STOX2: variants seen among roughly 807,000 people sequenced by gnomAD.
STOX2 encodes storkhead box 2.
A neutral mutation model predicts 60.9 loss-of-function variants in STOX2; 28 were observed. The ratio of observed to expected loss-of-function variants is 0.46; its 90% CI spans 0.34 to 0.63. The LOEUF (loss-of-function observed/expected upper bound fraction) is 0.63. Among genes scored for constraint, STOX2 ranks in the 30% least tolerant of loss-of-function variants. The pLI, the probability that STOX2 is intolerant of heterozygous loss-of-function variation, is 0.01. For synonymous variants in STOX2, 472 were observed against 463.9 expected, an observed-to-expected ratio of 1.02 and a Z score of -0.22; for missense variants, 1,024 against 1,187.7, an observed-to-expected ratio of 0.86 and a Z score of 2.03.
chr4:184,000,775 T>G (rs1484534146), intron 1 of STOX2, among the ~76,000 whole-genome samples: 3 of 152,238 alleles, frequency 2.0e-5, no homozygotes, highest in Non-Finnish European at 1.5e-5. Context: ...TGTTCTGTTC[T>G]CTTGTGTGCC....
intron 1 of STOX2, among the ~76,000 whole-genome samples, chr4:183,829,729 G>A (rs1449263811): frequency 1.3e-5 from 2 of 152,148 alleles, no homozygotes; most frequent in Admixed American, 1.3e-4. Context: ...AAGCCAGCTC[G>A]ACTTGCGGTT....
At chr4:183,831,777 A>G (rs377465460) in intron 1 of STOX2, among the ~76,000 whole-genome samples, 1 of 152,128 alleles carries the variant, frequency 6.6e-6, no homozygotes, top group African/African-American at 2.4e-5. Flanking sequence ...ATACATAGAT[A>G]AATAAATTTT....
At chr4:183,837,918 G>A (rs542119886) in intron 1 of STOX2, among the ~76,000 whole-genome samples, 1 of 152,184 alleles carries the variant, frequency 6.6e-6, no homozygotes, top group African/African-American at 2.4e-5. Context: ...TGTGGACGTG[G>A]GTGTGCAGAT....
intron 1 of STOX2, among the ~76,000 whole-genome samples, chr4:183,924,286 A>G (rs571022344): frequency 7.9e-5 from 12 of 152,262 alleles, no homozygotes; most frequent in Non-Finnish European, 1.6e-4. Flanking sequence ...GGCTGGAGAT[A>G]TACAGGAAAC....
intron 1 of STOX2, among the ~76,000 whole-genome samples, chr4:183,874,630 CTA>C (rs33916544): frequency 6.7e-6 from 1 of 150,208 alleles, no homozygotes. Flanking sequence ...TATGCAGAGA[CTA>C]TATATATATA....
At chr4:183,858,912 G>A (rs1740365263) in intron 1 of STOX2, among the ~76,000 whole-genome samples, 3 of 152,036 alleles carry the variant, frequency 2.0e-5, no homozygotes, top group African/African-American at 7.3e-5. Context: ...CGTCATTTCA[G>A]TGTACTGTAC....
intron 1 of STOX2, among the ~76,000 whole-genome samples, chr4:183,810,438 A>G (rs1007386549): frequency 2.6e-5 from 4 of 152,230 alleles, no homozygotes; most frequent in Admixed American, 2.6e-4. Context: ...AATTAGGCTC[A>G]ACTCCAAACA....
Position 183,852,671 on chromosome 4 carries a change from C to G in STOX2, c.364+54616C>G, listed in dbSNP as rs565615007. ...CCTCGGAAGCAGCATTCCCTTCAGCCATGGGAGGTTCTTTTTTTCTGCATT... is the reference window on the plus strand; with the variant it reads ...CCTCGGAAGCAGCATTCCCTTCAGCGATGGGAGGTTCTTTTTTTCTGCATT... On this transcript the variant is annotated intron_variant, in intron 1 of 2. Coordinates refer to the STOX2 transcript ENST00000513034. Among the ~76,000 whole-genome samples, 7 of 152,270 alleles carry G rather than the reference C, an allele frequency of 4.6e-5. No individual in the cohort carries two copies. The East Asian group carries it at 1.3e-3, about 29-fold the overall frequency.
Position 184,010,683 on chromosome 4 carries a change from A to G in STOX2, c.1845A>G (p.Ser615=), listed in dbSNP as rs775780920. The part of the protein sequence containing the change: ...TSSETVLTAP[S]PLGKNKEDHD... Reference sequence around the variant, plus strand: ...GTGAGACGGTGCTCACGGCACCATCACCTCTGGGAAAGAATAAGGAGGACC... The same window carrying G: ...GTGAGACGGTGCTCACGGCACCATCGCCTCTGGGAAAGAATAAGGAGGACC... The change falls in exon 3 of 4, where the codon TCA becomes TCG. Residue 615 remains serine (S), a synonymous_variant. Coordinates refer to ENST00000308497, the MANE Select transcript of STOX2 (RefSeq NM_020225.3). The surrounding 1 kb of genome is among the most constrained non-coding windows in gnomAD (Gnocchi z 4.5). The G allele has an allele frequency of 1.9e-6, 3 of 1,613,050 alleles. No homozygotes were observed. In the South Asian group the frequency reaches 3.3e-5, roughly 18 times the overall value.
intron 1 of STOX2, among the ~76,000 whole-genome samples, chr4:183,810,117 A>G (rs997453897): frequency 6.6e-6 from 1 of 152,196 alleles, no homozygotes; most frequent in Non-Finnish European, 1.5e-5. Context: ...ACTGCTCTGC[A>G]TGGATAAATA....
chr4:183,937,507 G>T (rs61681189), intron 1 of STOX2, among the ~76,000 whole-genome samples: 2,844 of 152,310 alleles, frequency 0.019, 109 homozygotes, highest in African/African-American at 0.065. Context: ...GAGCTGCTCA[G>T]AGTGGGGTCG....
At chr4:183,849,793 C>A (rs1237208246) in intron 1 of STOX2, among the ~76,000 whole-genome samples, 1 of 152,064 alleles carries the variant, frequency 6.6e-6, no homozygotes, top group Non-Finnish European at 1.5e-5. Context: ...TGTGTATGCA[C>A]CATGAAGGAG....
chr4:183,951,664 G>A (rs1743099178), intron 1 of STOX2, among the ~76,000 whole-genome samples: 1 of 151,978 alleles, frequency 6.6e-6, no homozygotes, highest in Non-Finnish European at 1.5e-5. Flanking sequence ...GAGTGGTCGG[G>A]TGCGGTGGCT....
chr4:183,948,910 A>G (rs1742985425), intron 1 of STOX2, among the ~76,000 whole-genome samples: 1 of 152,084 alleles, frequency 6.6e-6, no homozygotes, highest in South Asian at 2.1e-4. Flanking sequence ...CATGTGAAGT[A>G]TTGTCTCTGA....
chr4:183,833,898 C>T (rs990721121), intron 1 of STOX2, among the ~76,000 whole-genome samples: 3 of 144,766 alleles, frequency 2.1e-5, no homozygotes, highest in Non-Finnish European at 3.0e-5. Flanking sequence ...AGGAGAATGG[C>T]GTGAACCCGG....
chr4:183,907,444 A>G (rs1741653200), intron 1 of STOX2, among the ~76,000 whole-genome samples: 1 of 152,202 alleles, frequency 6.6e-6, no homozygotes, highest in Non-Finnish European at 1.5e-5. Flanking sequence ...TCTGATTTGC[A>G]CGCAGAGAAC....
At chr4:183,926,623 G>GT (rs71591608) in intron 1 of STOX2, among the ~76,000 whole-genome samples, 252 of 146,200 alleles carry the variant, frequency 1.7e-3, no homozygotes, top group East Asian at 4.0e-3. Context: ...GCAAAAGTGG[G>GT]TTTTTTTTTT....
intron 1 of STOX2, among the ~76,000 whole-genome samples, chr4:183,971,117 A>G (rs1299286671): frequency 6.6e-6 from 1 of 152,226 alleles, no homozygotes; most frequent in Non-Finnish European, 1.5e-5. Flanking sequence ...TGTTGAGTAT[A>G]GAAGCCAATC....
chr4:184,011,516 A>T lies in STOX2; in HGVS notation c.2585+93A>T. ...GACAAGTTTCTGATTTCGTAGTCTCAGTTCTATGGATGAGGGTTAAGAGTT... is the reference window on the plus strand; with the variant it reads ...GACAAGTTTCTGATTTCGTAGTCTCTGTTCTATGGATGAGGGTTAAGAGTT... On this transcript the variant is annotated intron_variant, in intron 3 of 3. Transcript: ENST00000308497. The surrounding 1 kb of genome is among the most constrained non-coding windows in gnomAD (Gnocchi z 4.4). 6.3e-7 allele frequency: 1 copy of T among 1,575,574 alleles called. No homozygotes were observed. Among genetic ancestry groups the T allele is most frequent in the South Asian group, 1.2e-5 (1 of 84,808 alleles).
Sources: gnomAD v4.1 joint callset for allele counts (sites outside exome capture counted in the v4.1 genomes callset) on GRCh38, gnomAD v4.1.1 for gene constraint, Gnocchi (gnomAD v3.1) non-coding constraint, MANE v1.5 for transcripts, NCBI Gene and HGNC (gene_info 2026-07-23, HGNC 2026-07-21) for gene names.